Variants in GSE1 observed in about 807,000 individuals in gnomAD.
GSE1 encodes the protein genetic suppressor element 1.
In GSE1, 32 loss-of-function variants were observed where a neutral mutation model predicts 112.6. That is an observed-to-expected ratio of 0.28 (90% CI 0.21 to 0.38). GSE1 has a LOEUF of 0.38. Among genes scored for constraint, GSE1 ranks in the 10% least tolerant of loss-of-function variants. GSE1 has a pLI of 1.00. For synonymous variants in GSE1, 1,115 were observed against 735.6 expected (o/e 1.52, Z -8.35); for missense variants, 2,348 against 1,699.2 (o/e 1.38, Z -6.71).
intron 2 of GSE1, among the ~76,000 whole-genome samples, chr16:85,520,293 A>C (rs1426801287): frequency 6.6e-6 from 1 of 152,052 alleles, no homozygotes; most frequent in African/African-American, 2.4e-5. Flanking sequence ...AAAGGCCCCA[A>C]CTCCTAACAC....
intron 1 of GSE1, among the ~76,000 whole-genome samples, chr16:85,203,367 T>C (rs987694388): frequency 1.3e-5 from 2 of 152,108 alleles, no homozygotes; most frequent in African/African-American, 4.8e-5. Flanking sequence ...AGGTGCGGGA[T>C]GCTAAGGTGG....
At chr16:85,344,386 G>A (rs1219397801) in intron 1 of GSE1, among the ~76,000 whole-genome samples, 2 of 152,216 alleles carry the variant, frequency 1.3e-5, no homozygotes, top group African/African-American at 2.4e-5. Flanking sequence ...GGTCCTGCCC[G>A]GGGAGCCTCC....
intron 1 of GSE1, among the ~76,000 whole-genome samples, chr16:85,625,309 C>T (rs1175197823): frequency 6.6e-6 from 1 of 152,246 alleles, no homozygotes; most frequent in Non-Finnish European, 1.5e-5. Flanking sequence ...CGTCCCTCGC[C>T]TCCATCCGGG....
rs59996022 is a variant in GSE1 at position 85,587,177 on chromosome 16, C to G, written c.37+30814C>G. The stretch of plus-strand genomic sequence containing the variant: ...CTGGTCTGAGGACGAAACCCCCCCC[C>G]CCCCAGACCAGACCCCATGGTCTGG... On this transcript the variant is annotated intron_variant, in intron 1 of 2. Transcript: ENST00000635906. 3.1e-3 allele frequency among the ~76,000 whole-genome samples: 458 copies of G among 149,408 alleles called. 1 individual carries two copies. The highest frequency in any genetic ancestry group is 0.012 in the East Asian group (61 of 5,090).
At chr16:85,355,240 AAAC>A (rs2046927953) in intron 1 of GSE1, among the ~76,000 whole-genome samples, 3 of 147,840 alleles carry the variant, frequency 2.0e-5, no homozygotes, top group African/African-American at 7.9e-5. Context: ...AAAAAACAAA[AAAC>A]CGGATCAACA....
intron 1 of GSE1, among the ~76,000 whole-genome samples, chr16:85,189,010 CCATTGTT>C (rs897995980): frequency 6.6e-6 from 1 of 152,160 alleles, no homozygotes; most frequent in African/African-American, 2.4e-5. Flanking sequence ...ATGTAAACAA[CCATTGTT>C]ATAGACACAT....
At chr16:85,361,584 G>T (rs1254655891) in intron 2 of GSE1, among the ~76,000 whole-genome samples, 1 of 152,244 alleles carries the variant, frequency 6.6e-6, no homozygotes, top group East Asian at 1.9e-4. Context: ...TTTACCAGCA[G>T]TGGGGGTGGC....
At chr16:85,545,511 GGGCCT>G (rs2044665117) in intron 2 of GSE1, among the ~76,000 whole-genome samples, 1 of 152,136 alleles carries the variant, frequency 6.6e-6, no homozygotes, top group Non-Finnish European at 1.5e-5. Context: ...TGAAAATACA[GGGCCT>G]GGCTTCCGAC....
At chr16:85,449,085 G>A (rs904647000) in intron 2 of GSE1, among the ~76,000 whole-genome samples, 2 of 152,190 alleles carry the variant, frequency 1.3e-5, no homozygotes, top group African/African-American at 4.8e-5. Context: ...AAACCGGGCC[G>A]GGAGCAGCCC....
Position 85,668,412 on chromosome 16 carries a change from G to T in GSE1, c.3403G>T (p.Glu1135Ter). ...CGAGGCCGTTTTTGAAGCTTACCAG[G>T]AACACATAGAAGGTAAGGGGGTGCT... is the stretch of plus-strand genomic sequence containing the variant. ...GIEAVFEAYQEHIEEQNLERQ... is the reference protein window; with the variant it reads ...GIEAVFEAYQ The change falls in exon 14 of 16, where the codon GAA (glutamate) becomes TAA (stop). Residue 1135 changes from glutamate to a stop codon, truncating the protein, a stop_gained. Coordinates refer to ENST00000253458, the MANE Select transcript of GSE1 (RefSeq NM_014615.5). LOFTEE classifies it high-confidence loss of function. The T allele has an allele frequency of 6.5e-7, 1 of 1,527,030 alleles. No homozygotes were observed. Among genetic ancestry groups the T allele is most frequent in the Non-Finnish European group, 9.0e-7 (1 of 1,108,348 alleles). 94.6% of individuals were successfully genotyped at this position (1,527,030 alleles called of 1,614,324 possible).
At chr16:85,391,793 T>G (rs1185623114) in intron 2 of GSE1, among the ~76,000 whole-genome samples, 2 of 152,154 alleles carry the variant, frequency 1.3e-5, no homozygotes, top group African/African-American at 2.4e-5. Flanking sequence ...TTGTGGGGCC[T>G]CACTGGCATG....
rs757632349 is a variant in GSE1 at position 85,661,603 on chromosome 16, G to C, written c.2098G>C (p.Gly700Arg). 1.9e-6 allele frequency: 3 copies of C among 1,610,356 alleles called. No homozygotes were observed. The highest frequency in any genetic ancestry group is 2.2e-5 in the East Asian group (1 of 44,774). The change falls in exon 9 of 16, where the codon GGG (glycine) becomes CGG (arginine). Residue 700 changes from glycine to arginine, a missense_variant. Physicochemically the swap from Gly to Arg is moderately radical, Grantham distance 125 (BLOSUM62 -2). Transcript: ENST00000253458. ...RASLPQAATF[G>R]ELSGPLKPGS... ...CTCCCTCCCACAGGCGGCCACCTTC[G>C]GGGAGCTCAGCGGACCCCTGAAGCC...
chr16:85,661,538 T>C lies in GSE1; in HGVS notation c.2033T>C (p.Leu678Pro), dbSNP rs2052432554. Residue 678 changes from leucine to proline, a missense_variant, in exon 9 of 16, where the codon CTC (leucine) becomes CCC (proline). Leu to Pro is a moderately conservative substitution (Grantham distance 98). Coordinates refer to ENST00000253458, the MANE Select transcript of GSE1 (RefSeq NM_014615.5). ...GGGCCCGGGCCCTTCCTGGCTGAGC[T>C]CGAGAAGTCCACCCAGACCATCCTG... is the stretch of plus-strand genomic sequence containing the variant. The part of the protein sequence containing the change: ...LPGPGPFLAE[L>P]EKSTQTILGQ... 2 of 1,611,710 alleles carry C rather than the reference T, an allele frequency of 1.2e-6. No individual in the cohort carries two copies.
At chr16:85,180,724 C>T (rs971203268) in intron 1 of GSE1, among the ~76,000 whole-genome samples, 1 of 152,232 alleles carries the variant, frequency 6.6e-6, no homozygotes, top group African/African-American at 2.4e-5. Flanking sequence ...CCAGCGTCTG[C>T]ACTCTGCCAT....
rs75813276 is a variant in GSE1 at position 85,269,964 on chromosome 16, A to C, written c.2284-87499A>C. ...GGTTTGCATAGTGAGCCCGTGTTGC[A>C]GGTTTGAAGACTGAGGCTGAGAGAA... On this transcript the variant is annotated intron_variant, in intron 1 of 2. Transcript: ENST00000637419. Among the ~76,000 whole-genome samples, 930 of 149,596 alleles carry C rather than the reference A, an allele frequency of 6.2e-3. 61 individuals are homozygous for C. In the East Asian group the frequency reaches 0.12, roughly 19 times the overall value.
intron 1 of GSE1, among the ~76,000 whole-genome samples, chr16:85,268,158 G>C (rs558667571): frequency 4.4e-4 from 67 of 152,198 alleles, no homozygotes; most frequent in African/African-American, 1.4e-3. Flanking sequence ...CTGCTGCCTT[G>C]GGGGGATTGC....
chr16:85,662,468 G>C (rs1457509521), intron 9 of GSE1: 1 of 153,898 alleles, frequency 6.5e-6, no homozygotes, highest in Non-Finnish European at 1.4e-5. Context: ...AGGCTGGATG[G>C]AGGGCCCAGC....
At chr16:85,562,301 G>A (rs2045557217) in intron 1 of GSE1, among the ~76,000 whole-genome samples, 1 of 152,156 alleles carries the variant, frequency 6.6e-6, no homozygotes, top group African/African-American at 2.4e-5. Context: ...GAAAGCCAGG[G>A]GCCCTTTTGT....
At chr16:85,522,550 C>T (rs890551565) in intron 2 of GSE1, among the ~76,000 whole-genome samples, 1 of 152,208 alleles carries the variant, frequency 6.6e-6, no homozygotes, top group Non-Finnish European at 1.5e-5. Flanking sequence ...CCTGTGTCTC[C>T]GGCCTTAGCT....
Sources: allele counts gnomAD v4.1 joint callset (sites outside exome capture counted in the v4.1 genomes callset), GRCh38; gene constraint gnomAD v4.1.1; transcripts MANE v1.5; gene names NCBI Gene and HGNC (gene_info 2026-07-23, HGNC 2026-07-21).